VPS13B: variants seen among roughly 807,000 people sequenced by gnomAD.
VPS13B encodes the protein intermembrane lipid transfer protein VPS13B.
Under a neutral mutation model 426.4 loss-of-function variants are expected in VPS13B, and 285 were observed. That is an observed-to-expected ratio of 0.67 (90% CI 0.61 to 0.74). The LOEUF is 0.74. VPS13B is among the 30% of genes least tolerant of loss of function. The pLI is 0.00. For missense variants in VPS13B, 4,537 were observed against 4,782.6 expected (o/e 0.95, Z 1.51); for synonymous variants, 1,676 against 1,676.4 (o/e 1.00, Z 0.01).
intron 21 of VPS13B, among the ~76,000 whole-genome samples, chr8:99,422,826 T>C (rs1266527234): frequency 6.6e-6 from 1 of 152,212 alleles, no homozygotes; most frequent in African/African-American, 2.4e-5. Context: ...AGGTACTCTC[T>C]CACAGGCTTA....
chr8:99,275,337 T>G, intron 19 of VPS13B, 83 bp downstream of exon 19: 2 of 1,133,300 alleles, frequency 1.8e-6, no homozygotes, highest in South Asian at 3.8e-5. Context: ...TGGTATATAT[T>G]TTTTTTTTTT....
Position 99,809,444 on chromosome 8 carries a change from G to A in VPS13B, c.8011G>A (p.Gly2671Arg), listed in dbSNP as rs568716604. 5.9e-5 allele frequency: 95 copies of A among 1,613,964 alleles called. No individual in the cohort carries two copies. Among genetic ancestry groups the A allele is most frequent in the Admixed American group, 2.7e-4 (16 of 60,006 alleles). Residue 2671 changes from glycine (G) to arginine (R), a missense_variant, in exon 44 of 62, where the codon GGG becomes AGG. By Grantham distance (125) the Gly-to-Arg change is moderately radical. This residue lies in a region of VPS13B where 4,311 missense variants were observed against 4,474.3 expected (regional missense o/e 0.96). Transcript: ENST00000357162. ...AGAGCCTTTCAGTGTGGACCATGCC[G>A]GGACTTTTATTAGAACAATTCAGTA... ...WSEPFSVDHAGTFIRTIQYRG... is the reference protein window; with the variant it reads ...WSEPFSVDHARTFIRTIQYRG...
At chr8:99,139,830 A>G (rs1309648854) in intron 12 of VPS13B, among the ~76,000 whole-genome samples, 4 of 151,984 alleles carry the variant, frequency 2.6e-5, no homozygotes, top group Non-Finnish European at 4.4e-5. Flanking sequence ...ATGAGTTCCT[A>G]TAAGAGGATA....
chr8:99,664,641 A>G (rs1210546716), intron 35 of VPS13B, among the ~76,000 whole-genome samples: 3 of 152,190 alleles, frequency 2.0e-5, no homozygotes, highest in Non-Finnish European at 4.4e-5. Flanking sequence ...TACAAAGGAC[A>G]TGAACTCATC....
At chr8:99,296,564 A>G (rs1165043552) in intron 19 of VPS13B, among the ~76,000 whole-genome samples, 1 of 152,212 alleles carries the variant, frequency 6.6e-6, no homozygotes, top group Non-Finnish European at 1.5e-5. Flanking sequence ...TTATCTGTGC[A>G]TATTGTGAAT....
At chr8:99,649,637 CACACACACACACAG>C (rs920003359) in intron 34 of VPS13B, among the ~76,000 whole-genome samples, 17 of 151,800 alleles carry the variant, frequency 1.1e-4, no homozygotes, top group Non-Finnish European at 1.5e-4. Flanking sequence ...CACACACACA[CACACACACACACAG>C]ACACACACAC....
rs777345581 is a variant in VPS13B, at chr8:99,501,830, T to C, written c.4014T>C (p.Phe1338=). The change falls in exon 26 of 62, where the codon TTT becomes TTC. Residue 1338 remains phenylalanine, a synonymous_variant. Coordinates refer to ENST00000357162, the MANE Select transcript of VPS13B (RefSeq NM_152564.5). ...TTCCCAAAATTACTATAAAGCTCTT[T>C]GCTCCAGATCCTGAAAATAAAGGCA... is the stretch of plus-strand genomic sequence containing the variant. The part of the protein sequence containing the change: ...WVLPKITIKL[F]APDPENKGTE... The C allele has an allele frequency of 6.2e-7, 1 of 1,614,098 alleles. No individual in the cohort carries two copies. The highest frequency in any genetic ancestry group is 8.5e-7 in the Non-Finnish European group (1 of 1,179,984).
rs190225221 is a variant in VPS13B at position 99,826,369 on chromosome 8, T to G, written c.9330+2391T>G. Among the ~76,000 whole-genome samples the G allele has an allele frequency of 1.8e-3, 279 of 152,288 alleles. 5 individuals are homozygous for G. The East Asian group carries it at 0.035, about 19-fold the overall frequency. On this transcript the variant is annotated intron_variant, in intron 51 of 61. Coordinates refer to ENST00000357162, the MANE Select transcript of VPS13B (RefSeq NM_152564.5). ...AGTTCACTCATGATTTGGCTCTCTG[T>G]TTGTCTGTTATTGGTGTATAGGAAT...
chr8:99,490,606 G>A (rs567607538), intron 25 of VPS13B, among the ~76,000 whole-genome samples: 66 of 152,162 alleles, frequency 4.3e-4, no homozygotes, highest in Non-Finnish European at 6.5e-4. Context: ...TCAGAGATTC[G>A]ACTTCTTCCT....
intron 21 of VPS13B, among the ~76,000 whole-genome samples, chr8:99,400,801 G>A (rs1305610044): frequency 6.6e-6 from 1 of 152,136 alleles, no homozygotes; most frequent in Non-Finnish European, 1.5e-5. Flanking sequence ...CTCCCAAGTA[G>A]CTGGGATTAC....
chr8:99,218,719 CA>C (rs1815520545), intron 17 of VPS13B, among the ~76,000 whole-genome samples: 1 of 152,062 alleles, frequency 6.6e-6, no homozygotes, highest in Admixed American at 6.5e-5. Flanking sequence ...GTCAGCTGAT[CA>C]GAATGAATGG....
intron 36 of VPS13B, among the ~76,000 whole-genome samples, chr8:99,715,802 G>C (rs114162469): frequency 2.0e-5 from 3 of 152,112 alleles, no homozygotes; most frequent in Non-Finnish European, 4.4e-5. Context: ...CAAATTTCTG[G>C]ATGATGAATA....
intron 27 of VPS13B, among the ~76,000 whole-genome samples, chr8:99,503,780 T>C (rs117278216): frequency 0.011 from 1,651 of 152,292 alleles, 16 homozygotes; most frequent in Non-Finnish European, 0.017. Context: ...TACCATTACT[T>C]CCTCCAGTGA....
At position 99,193,013 on chromosome 8, in the gene VPS13B, C is replaced by T. The variant is rs145419141; in HGVS notation, c.2471C>T (p.Ser824Phe). 207 of 1,613,712 alleles carry T rather than the reference C, an allele frequency of 1.3e-4. No individual in the cohort carries two copies. The Middle Eastern group carries it at 1.5e-3, about 12-fold the overall frequency. The part of the protein sequence containing the change: ...SWSHLGNVSS[S>F]AVIEALINEI... ...TCTCATCTTGGAAATGTCAGCTCTT[C>T]CGCAGTGATTGAAGCTTTGATAAAT... The change falls in exon 17 of 62, where the codon TCC becomes TTC. Residue 824 changes from serine (S) to phenylalanine (F), a missense_variant. Ser to Phe is a radical substitution (Grantham distance 155). Coordinates refer to ENST00000357162, the MANE Select transcript of VPS13B (RefSeq NM_152564.5).
At chr8:99,782,133 A>T (rs1410039032) in intron 42 of VPS13B, among the ~76,000 whole-genome samples, 1 of 152,174 alleles carries the variant, frequency 6.6e-6, no homozygotes, top group African/African-American at 2.4e-5. Context: ...GTTTAAAATT[A>T]AAGATTTTTA....
At chr8:99,317,690 A>G (rs1237317509) in intron 19 of VPS13B, among the ~76,000 whole-genome samples, 1 of 152,126 alleles carries the variant, frequency 6.6e-6, no homozygotes, top group Non-Finnish European at 1.5e-5. Flanking sequence ...ACCTTGGTGT[A>G]ATAAAAATAT....
chr8:99,302,443 C>G lies in VPS13B; in HGVS notation c.2824+27189C>G, dbSNP rs1209300149. On this transcript the variant is annotated intron_variant, in intron 19 of 61. Transcript: ENST00000357162. ...ACCTTAGCCTATTATTGGGCAAAAT[C>G]TTCTAACACAAAGCCTATTTTATGA... Among the ~76,000 whole-genome samples, 4 of 152,248 alleles carry G rather than the reference C, an allele frequency of 2.6e-5. No individual in the cohort carries two copies. The South Asian group carries it at 8.3e-4, about 32-fold the overall frequency.
At chr8:99,186,102 T>A (rs1165543839) in intron 16 of VPS13B, among the ~76,000 whole-genome samples, 1 of 152,130 alleles carries the variant, frequency 6.6e-6, no homozygotes, top group Non-Finnish European at 1.5e-5. Context: ...AAACCTATTC[T>A]GTAAAATGAA....
chr8:99,515,361 AGCTGCTGCT>A lies in VPS13B; in HGVS notation c.4633+3874_4633+3882del, dbSNP rs576737553. On this transcript the variant is annotated intron_variant, in intron 29 of 61. Transcript: ENST00000357162. ...CAGACTTCTGCCATCTTATTTTTAA[AGCTGCTGCT>A]GCTGCTGCTGCTGCTGCTGCTGCTT... 1.5e-3 allele frequency among the ~76,000 whole-genome samples: 232 copies of A among 150,158 alleles called. 1 individual carries two copies. The highest frequency in any genetic ancestry group is 6.8e-3 in the Middle Eastern group (2 of 292).
Sources: gnomAD v4.1 joint callset for allele counts (sites outside exome capture counted in the v4.1 genomes callset) on GRCh38, gnomAD v4.1.1 for gene constraint, gnomAD v4.1.1 regional missense constraint, MANE v1.5 for transcripts, NCBI Gene and HGNC (gene_info 2026-07-23, HGNC 2026-07-21) for gene names.